AKAP9: variants seen among roughly 807,000 people sequenced by gnomAD.
AKAP9 encodes the protein A-kinase anchoring protein 9.
In AKAP9, 311 loss-of-function variants were observed where a neutral mutation model predicts 488.5. The ratio of observed to expected loss-of-function variants is 0.64; its 90% confidence interval spans 0.58 to 0.70. AKAP9 has a LOEUF of 0.70. Among genes scored for constraint, AKAP9 ranks in the 30% least tolerant of loss-of-function variants. The pLI is 0.00. For missense variants in AKAP9, 4,215 were observed against 4,374.5 expected (o/e 0.96, Z 1.03); for synonymous variants, 1,462 against 1,483.5 (o/e 0.99, Z 0.33).
chr7:91,958,858 A>AT (rs34009088), intron 1 of AKAP9, among the ~76,000 whole-genome samples: 78 of 150,008 alleles, frequency 5.2e-4, no homozygotes, highest in African/African-American at 1.2e-3. Context: ...GCTCATTAAG[A>AT]TTTTTTTTTT....
At chr7:92,083,840 T>C in intron 33 of AKAP9, 185 bp downstream of exon 33, 1 of 614,336 alleles carries the variant, frequency 1.6e-6, no homozygotes, top group Non-Finnish European at 2.8e-6. Flanking sequence ...TTTTTTCTTT[T>C]GTTATACTTT....
At position 92,002,218 on chromosome 7, in the gene AKAP9, A is replaced by G. The variant is rs747894504; in HGVS notation, c.2301A>G (p.Gln767=). Residue 767 remains glutamine (Q), a synonymous_variant, in exon 8 of 50, where the codon CAA becomes CAG. Transcript: ENST00000356239. ...KQMKEKENDL[Q]EKFAQLEAEN... is the part of the protein sequence containing the mutation. ...TGAAGGAAAAAGAGAATGATCTTCA[A>G]GAAAAATTTGCACAACTTGAAGCAG... The G allele has an allele frequency of 3.2e-5, 51 of 1,590,794 alleles. No homozygotes were observed. The highest frequency in any genetic ancestry group is 4.5e-5 in the East Asian group (2 of 44,682).
chr7:91,993,091 C>A (rs1797968941), intron 5 of AKAP9, 36 bp downstream of exon 5: 3 of 1,611,218 alleles, frequency 1.9e-6, no homozygotes, highest in East Asian at 2.2e-5. Flanking sequence ...ATTTGCTACT[C>A]ACAAAAACAA....
rs577176459 is a variant in AKAP9, at chr7:91,999,371, G to A, written c.931-1477G>A. On this transcript the variant is annotated intron_variant, in intron 7 of 49. Transcript: ENST00000356239. ...CTCCTGAGTAGCTGGGATCACGGGC[G>A]CCCAGCCCCACGCCCAGCTAGTTTT... Among the ~76,000 whole-genome samples the A allele has an allele frequency of 7.3e-4, 111 of 152,196 alleles. 1 individual carries two copies. The highest frequency in any genetic ancestry group is 2.7e-3 in the South Asian group (13 of 4,822).
In AKAP9 at chr7:92,002,363, T is replaced by C; in HGVS notation, c.2446T>C (p.Ser816Pro). ...LDSIKSKSKD[S>P]VWEKEIEILI... is the part of the protein sequence containing the mutation. Reference sequence around the variant, plus strand: ...CTCCATTAAGTCCAAATCCAAAGACTCTGTGTGGGAAAAAGAAATAGAAAT... The same window carrying C: ...CTCCATTAAGTCCAAATCCAAAGACCCTGTGTGGGAAAAAGAAATAGAAAT... Residue 816 changes from serine (S) to proline (P), a missense_variant, in exon 8 of 50, where the codon TCT becomes CCT. By Grantham distance (74) the Ser-to-Pro change is moderately conservative (BLOSUM62 -1). Around this residue, in one of 5 missense-constraint regions of AKAP9, gnomAD observed 2,361 missense variants for 2,430.0 expected, o/e 0.97. Transcript: ENST00000356239. 6.2e-7 allele frequency: 1 copy of C among 1,612,320 alleles called. No individual in the cohort carries two copies. The highest frequency in any genetic ancestry group is 8.5e-7 in the Non-Finnish European group (1 of 1,179,262).
At chr7:91,947,407 A>G (rs907811260) in intron 1 of AKAP9, among the ~76,000 whole-genome samples, 3 of 150,756 alleles carry the variant, frequency 2.0e-5, no homozygotes, top group Non-Finnish European at 4.4e-5. Flanking sequence ...CAGTGGCACG[A>G]TCTCGGCTCA....
At chr7:91,941,299 C>G (rs1331615009) in intron 1 of AKAP9, 152 bp downstream of exon 1, 1 of 650,776 alleles carries the variant, frequency 1.5e-6, no homozygotes, top group Non-Finnish European at 2.6e-6. Flanking sequence ...TCTCCTCGCC[C>G]TCCTCCTTTC....
At chr7:92,006,898 G>C (rs900148474) in intron 8 of AKAP9, among the ~76,000 whole-genome samples, 1 of 152,170 alleles carries the variant, frequency 6.6e-6, no homozygotes, top group Non-Finnish European at 1.5e-5. Flanking sequence ...AGAGATACCG[G>C]AGCTTAGAAA....
chr7:91,990,787 A>G (rs1797654380), intron 3 of AKAP9, among the ~76,000 whole-genome samples: 1 of 152,220 alleles, frequency 6.6e-6, no homozygotes, highest in Admixed American at 6.5e-5. Context: ...GCTTTGTATC[A>G]TATTTGAAGA....
intron 1 of AKAP9, among the ~76,000 whole-genome samples, chr7:91,947,175 CGT>C (rs10575647): frequency 0.6 from 88,233 of 147,526 alleles, 26,224 homozygotes; most frequent in East Asian, 0.82. Context: ...TGTGTGTGTG[CGT>C]GTGTGTGTGT....
chr7:91,978,961 A>G (rs1796053434), intron 2 of AKAP9, among the ~76,000 whole-genome samples: 1 of 140,078 alleles, frequency 7.1e-6, no homozygotes, highest in Non-Finnish European at 1.5e-5. Context: ...TTTTTTTAGT[A>G]AAGACGAGAG....
At chr7:91,992,290 C>A in intron 4 of AKAP9, 79 bp downstream of exon 4, 1 of 991,476 alleles carries the variant, frequency 1.0e-6, no homozygotes, top group South Asian at 1.3e-5. Flanking sequence ...AAACTTTTTC[C>A]TGCATGTACT....
At chr7:91,942,096 A>G (rs957301687) in intron 1 of AKAP9, among the ~76,000 whole-genome samples, 2 of 152,116 alleles carry the variant, frequency 1.3e-5, no homozygotes, top group East Asian at 3.8e-4. Context: ...CCTCCCTTCA[A>G]TGAAGTCTTC....
At chr7:92,085,731 T>C in intron 36 of AKAP9, 45 bp downstream of exon 36, 1 of 1,310,304 alleles carries the variant, frequency 7.6e-7, no homozygotes, top group Non-Finnish European at 1.1e-6. Context: ...ATGTATTATT[T>C]GAACAATAAT....
Position 92,017,797 on chromosome 7 carries a change from TTTCTTTCCCTCCTGTTTC to T in AKAP9, c.3837+701_3837+718del, listed in dbSNP as rs1298121170. 2.0e-5 allele frequency among the ~76,000 whole-genome samples: 3 copies of T among 152,308 alleles called. No homozygotes were observed. In the East Asian group the frequency reaches 5.8e-4, roughly 29 times the overall value. On this transcript the variant is annotated intron_variant, in intron 12 of 49. Coordinates refer to ENST00000356239, the MANE Select transcript of AKAP9 (RefSeq NM_005751.5). ...CTTCCTCTCCATCTCTCTCCCCTTC[TTTCTTTCCCTCCTGTTTC>T]TTCTTGCCTACTCTGTTTCTGTGCA... is the stretch of plus-strand genomic sequence containing the variant.
At chr7:91,997,440 C>G (rs1046785927) in intron 7 of AKAP9, among the ~76,000 whole-genome samples, 4 of 152,102 alleles carry the variant, frequency 2.6e-5, no homozygotes, top group African/African-American at 9.7e-5. Context: ...TTTTGTTTCC[C>G]CAACAATTGG....
Position 92,080,080 on chromosome 7 carries a change from A to T in AKAP9, c.7947A>T (p.Leu2649=). 6.3e-7 allele frequency: 1 copy of T among 1,584,934 alleles called. No individual in the cohort carries two copies. The highest frequency in any genetic ancestry group is 8.5e-7 in the Non-Finnish European group (1 of 1,173,844). Residue 2649 remains leucine (L), a synonymous_variant, in exon 31 of 50, where the codon CTA becomes CTT. Coordinates refer to ENST00000356239, the MANE Select transcript of AKAP9 (RefSeq NM_005751.5). ...AGAAGCTGCTAGAACTACAGAAGCT[A>T]TTGGAGGGCAATGAGAAAAAACAGA... ...KEKKLLELQK[L]LEGNEKKQRE...
chr7:92,106,991 C>T (rs765687106), intron 47 of AKAP9, among the ~76,000 whole-genome samples: 12 of 152,164 alleles, frequency 7.9e-5, no homozygotes, highest in Non-Finnish European at 1.5e-4. Flanking sequence ...ACACCCCTCA[C>T]CTCTCATCTA....
chr7:92,003,223 TAAATC>T lies in AKAP9; in HGVS notation c.3308_3312del (p.Lys1103ArgfsTer4), dbSNP rs1296726348. 6 of 1,596,060 alleles carry T rather than the reference TAAATC, an allele frequency of 3.8e-6. No homozygotes were observed. The highest frequency in any genetic ancestry group is 1.3e-5 in the African/African-American group (1 of 74,398). On this transcript the variant is annotated frameshift_variant, in exon 8 of 50. Coordinates refer to ENST00000356239, the MANE Select transcript of AKAP9 (RefSeq NM_005751.5). LOFTEE classifies it high-confidence loss of function. ...AACTTCAGAAAGAACTCAATGTACT[TAAATC>T]AGAACAGGTATGTTTACTTCTTCAT...
Sources: allele counts gnomAD v4.1 joint callset (sites outside exome capture counted in the v4.1 genomes callset), GRCh38; gene constraint gnomAD v4.1.1; regional missense constraint gnomAD v4.1.1; transcripts MANE v1.5; gene names NCBI Gene and HGNC (gene_info 2026-07-23, HGNC 2026-07-21).